The following CNPY1 variants were observed in gnomAD, a reference collection of about 807,000 sequenced individuals.
CNPY1 encodes the protein canopy FGF signaling regulator 1.
CNPY1 carries 14 observed loss-of-function variants against 14.4 expected under a neutral mutation model. The observed-to-expected ratio is 0.97, with a 90% CI of 0.64 to 1.52. The LOEUF is 1.52. Among genes scored for constraint, CNPY1 ranks in the 40% most tolerant of loss-of-function variants. CNPY1 has a pLI of 0.00. For synonymous variants in CNPY1, 43 were observed against 46.5 expected (o/e 0.92, Z 0.31); for missense variants, 129 against 131.5 (o/e 0.98, Z 0.09).
At position 155,501,875 on chromosome 7, in the gene CNPY1, G is replaced by A. The variant is rs1195918538; in HGVS notation, c.*1193C>T. 6.6e-6 allele frequency: 1 copy of A among 151,964 alleles called. No individual in the cohort carries two copies. The highest frequency in any genetic ancestry group is 1.5e-5 in the Non-Finnish European group (1 of 68,008). The allele number at this position is 151,964 out of a possible 1,614,324, so 9.4% of individuals were successfully genotyped here. A position where few individuals can be genotyped will look rare whatever the true frequency, so the allele number is the denominator to read the frequency against. Reference sequence around the variant, plus strand: ...GGGGCATGGAAAGCCCTTCCCCTTAGCTTTGGTAAATTTTCCTAAATTTAA... The same window carrying A: ...GGGGCATGGAAAGCCCTTCCCCTTAACTTTGGTAAATTTTCCTAAATTTAA... On this transcript the variant is annotated 3_prime_UTR_variant, in exon 5 of 5. Transcript: ENST00000636446.
chr7:155,537,537 C>T (rs1797038099), intron 2 of CNPY1, among the ~76,000 whole-genome samples: 1 of 151,856 alleles, frequency 6.6e-6, no homozygotes, highest in African/African-American at 2.4e-5. Flanking sequence ...GATTCTCCTG[C>T]CTCAGCCTCC....
In CNPY1 at chr7:155,507,075, T is replaced by C. The variant is rs1327545697; in HGVS notation, c.345A>G (p.Ser115=). 2 of 1,612,296 alleles carry C rather than the reference T, an allele frequency of 1.2e-6. No individual in the cohort carries two copies. Among genetic ancestry groups the C allele is most frequent in the Admixed American group, 1.7e-5 (1 of 59,934 alleles). The change falls in exon 4 of 5, where the codon TCA becomes TCG. Residue 115 remains serine, a synonymous_variant. Coordinates refer to ENST00000636446, the MANE Select transcript of CNPY1 (RefSeq NM_001393663.1). ...GATAGTGTGTCTCCTGGGCGATAAG[T>C]GAGGATATTTCATCTTCATACTCTT... The part of the protein sequence containing the change: ...IIEEYEDEIS[S]LIAQETHYLA...
intron 2 of CNPY1, among the ~76,000 whole-genome samples, chr7:155,537,993 A>G (rs1390653623): frequency 1.3e-5 from 2 of 152,336 alleles, no homozygotes; most frequent in Admixed American, 6.5e-5. Flanking sequence ...GTCTCAGTGT[A>G]TTTCCTGAGG....
intron 2 of CNPY1, among the ~76,000 whole-genome samples, chr7:155,533,520 G>A (rs1319295949): frequency 6.6e-6 from 1 of 152,218 alleles, no homozygotes; most frequent in East Asian, 1.9e-4. Flanking sequence ...GCGCAGAGCG[G>A]GGCCAGCTCC....
chr7:155,517,485 G>T (rs561399602), intron 2 of CNPY1, among the ~76,000 whole-genome samples: 1 of 152,168 alleles, frequency 6.6e-6, no homozygotes, highest in Non-Finnish European at 1.5e-5. Context: ...CTCAAGTTCT[G>T]CTAGGTGCAG....
chr7:155,530,341 C>A (rs1237812092), intron 2 of CNPY1, among the ~76,000 whole-genome samples: 1 of 120,444 alleles, frequency 8.3e-6, no homozygotes, highest in Non-Finnish European at 1.6e-5. Context: ...ACTCTGTTAG[C>A]CAGGCTGGAG....
intron 2 of CNPY1, among the ~76,000 whole-genome samples, chr7:155,522,525 C>T (rs1796745533): frequency 6.6e-6 from 1 of 152,224 alleles, no homozygotes; most frequent in East Asian, 1.9e-4. Context: ...GGAAACGCAG[C>T]CTTCGAGAGG....
intron 2 of CNPY1, 35 bp from the exon 3 acceptor site, chr7:155,509,132 A>C (rs1796435028): frequency 7.7e-7 from 1 of 1,295,016 alleles, no homozygotes; most frequent in South Asian, 1.4e-5. Flanking sequence ...AACTTGTCTT[A>C]ATGTTAATGT....
chr7:155,506,942 G>GCAAACAA (rs1324520696), intron 4 of CNPY1, 78 bp downstream of exon 4: 17 of 979,618 alleles, frequency 1.7e-5, no homozygotes, highest in East Asian at 1.5e-4. Flanking sequence ...GGCTCGGTCT[G>GCAAACAA]CAAACAAGAC....
Position 155,523,847 on chromosome 7 carries a change from C to A in CNPY1, c.100-14750G>T, listed in dbSNP as rs550198387. ...ATATTAGGATAGGATGGGTTCTAAT[C>A]CCATGTGACTGATGCCTTACCAGTC... On this transcript the variant is annotated intron_variant, in intron 2 of 4. Transcript: ENST00000636446. Among the ~76,000 whole-genome samples the A allele has an allele frequency of 1.1e-4, 17 of 152,252 alleles. No homozygotes were observed. In the South Asian group the frequency reaches 1.7e-3, roughly 15 times the overall value.
intron 2 of CNPY1, among the ~76,000 whole-genome samples, chr7:155,521,667 G>T (rs1295129323): frequency 6.6e-6 from 1 of 152,216 alleles, no homozygotes; most frequent in Non-Finnish European, 1.5e-5. Context: ...AAGGTCAAAA[G>T]AATAATATTT....
chr7:155,528,312 G>A (rs1166395250), intron 2 of CNPY1, among the ~76,000 whole-genome samples: 2 of 152,182 alleles, frequency 1.3e-5, no homozygotes, highest in Admixed American at 6.5e-5. Flanking sequence ...TGGTCTTCTC[G>A]GCCTTGTAGG....
At chr7:155,517,202 G>A (rs1311578863) in intron 2 of CNPY1, among the ~76,000 whole-genome samples, 1 of 152,140 alleles carries the variant, frequency 6.6e-6, no homozygotes, top group Non-Finnish European at 1.5e-5. Context: ...CATTGAGGTG[G>A]CCCCTTTTCA....
At position 155,534,900 on chromosome 7, in the gene CNPY1, G is replaced by T. The variant is rs116463559; in HGVS notation, c.99+10931C>A. Among the ~76,000 whole-genome samples the T allele has an allele frequency of 9.6e-3, 1,459 of 152,318 alleles. 25 individuals carry two copies. The highest frequency in any genetic ancestry group is 0.033 in the African/African-American group (1,387 of 41,570). On this transcript the variant is annotated intron_variant, in intron 2 of 4. Transcript: ENST00000636446. ...TGCTCGGTGTCTGTGGACAAGAGAT[G>T]CTGGAGGGCATCACCTATCTTCCTG...
intron 2 of CNPY1, chr7:155,510,597 A>G (rs1272197497): frequency 1.3e-5 from 2 of 152,142 alleles, no homozygotes; most frequent in Non-Finnish European, 2.9e-5. Context: ...AGAATATACC[A>G]CCACACGTAT....
intron 2 of CNPY1, among the ~76,000 whole-genome samples, chr7:155,542,711 C>G (rs1797100476): frequency 6.6e-6 from 1 of 152,234 alleles, no homozygotes; most frequent in South Asian, 2.1e-4. Flanking sequence ...TCCTCTGTGT[C>G]TGTCCCAGCC....
intron 2 of CNPY1, among the ~76,000 whole-genome samples, chr7:155,516,811 C>A (rs1276080921): frequency 6.6e-6 from 1 of 152,162 alleles, no homozygotes; most frequent in South Asian, 2.1e-4. Flanking sequence ...GCCTGGCCAC[C>A]TTCTGTTCCC....
chr7:155,508,818 A>G, intron 3 of CNPY1, 76 bp downstream of exon 3: 1 of 1,457,794 alleles, frequency 6.9e-7, no homozygotes, highest in Non-Finnish European at 9.5e-7. Context: ...CCACAACAAG[A>G]GTAGAAAACA....
intron 2 of CNPY1, among the ~76,000 whole-genome samples, chr7:155,523,953 TC>T (rs990897054): frequency 6.6e-6 from 1 of 151,946 alleles, no homozygotes; most frequent in Non-Finnish European, 1.5e-5. Context: ...AGATCTCTAA[TC>T]CCAGGAACAC....
Sources: gnomAD v4.1 joint callset for allele counts (sites outside exome capture counted in the v4.1 genomes callset) on GRCh38, gnomAD v4.1.1 for gene constraint, MANE v1.5 for transcripts, NCBI Gene and HGNC (gene_info 2026-07-23, HGNC 2026-07-21) for gene names.